The following NDST3 variants were observed in gnomAD, a reference collection of about 807,000 sequenced individuals.
NDST3 encodes the protein bifunctional heparan sulfate N-deacetylase/N-sulfotransferase 3.
In NDST3, 58 loss-of-function variants were observed where a neutral mutation model predicts 96.1. The observed-to-expected ratio is 0.60, with a 90% CI of 0.49 to 0.75. The LOEUF (loss-of-function observed/expected upper bound fraction) is 0.75. Ranked by LOEUF, NDST3 falls within the 30% of genes least tolerant of loss-of-function variation. The pLI, the probability that NDST3 is intolerant of heterozygous loss-of-function variation, is 0.00. For synonymous variants in NDST3, 333 were observed against 359.7 expected (o/e 0.93, Z 0.84); for missense variants, 788 against 1,034.2 (o/e 0.76, Z 3.27).
chr4:118,113,119 T>TC (rs1236558043), intron 3 of NDST3, among the ~76,000 whole-genome samples: 2 of 151,818 alleles, frequency 1.3e-5, no homozygotes, highest in Non-Finnish European at 2.9e-5. Context: ...ATACACTACC[T>TC]CCCCCCAAAA....
At chr4:118,093,573 A>T (rs1729054281) in intron 2 of NDST3, among the ~76,000 whole-genome samples, 1 of 151,766 alleles carries the variant, frequency 6.6e-6, no homozygotes, top group South Asian at 2.1e-4. Flanking sequence ...TTTTGTGCTG[A>T]TTTACACTTT....
rs187217038 is a variant in NDST3 at position 118,226,868 on chromosome 4, T to C, written c.1723-18T>C. On this transcript the variant is annotated intron_variant, in intron 7 of 13. Coordinates refer to ENST00000296499, the MANE Select transcript of NDST3 (RefSeq NM_004784.3). ...ATTCATGAAAAAAAATACATCTCTA[T>C]GTTCTTCTCCCATTTAGAATCCTTG... 2.5e-6 allele frequency: 4 copies of C among 1,575,874 alleles called. No homozygotes were observed. Among genetic ancestry groups the C allele is most frequent in the East Asian group, 2.2e-5 (1 of 44,620 alleles).
chr4:118,194,136 G>C, intron 6 of NDST3: 1 of 1,031,242 alleles, frequency 9.7e-7, no homozygotes, highest in Non-Finnish European at 1.5e-6. Context: ...ACAATGGAAT[G>C]TTCTCCTTTC....
At chr4:118,222,343 C>T (rs1739603700) in intron 6 of NDST3, among the ~76,000 whole-genome samples, 1 of 151,642 alleles carries the variant, frequency 6.6e-6, no homozygotes. Context: ...AGAGAGGTTA[C>T]ATGTTCAGCA....
At chr4:118,250,147 G>A (rs901335804) in intron 12 of NDST3, among the ~76,000 whole-genome samples, 10 of 152,082 alleles carry the variant, frequency 6.6e-5, no homozygotes, top group Admixed American at 1.3e-4. Flanking sequence ...TGGCTATCAC[G>A]AACAAAGCTA....
intron 6 of NDST3, among the ~76,000 whole-genome samples, chr4:118,179,730 C>G (rs1198178270): frequency 1.3e-5 from 2 of 151,930 alleles, no homozygotes; most frequent in Non-Finnish European, 2.9e-5. Context: ...CTAGTTCCTC[C>G]CATCTCCCCA....
intron 6 of NDST3, among the ~76,000 whole-genome samples, chr4:118,164,645 G>A (rs1247746279): frequency 6.6e-6 from 1 of 152,072 alleles, no homozygotes; most frequent in Non-Finnish European, 1.5e-5. Context: ...AGACCATAAA[G>A]CTCACTGGTA....
At chr4:118,061,747 G>A (rs1418473151) in intron 2 of NDST3, among the ~76,000 whole-genome samples, 1 of 152,104 alleles carries the variant, frequency 6.6e-6, no homozygotes, top group Non-Finnish European at 1.5e-5. Context: ...TTTGTTGGAT[G>A]AATGAATTGC....
chr4:118,168,588 GA>G (rs1735715745), intron 6 of NDST3, among the ~76,000 whole-genome samples: 1 of 152,034 alleles, frequency 6.6e-6, no homozygotes, highest in Non-Finnish European at 1.5e-5. Flanking sequence ...ATTAAAAATA[GA>G]ACTACCATAT....
chr4:118,153,260 A>G (rs958798391), intron 6 of NDST3, among the ~76,000 whole-genome samples: 1 of 152,080 alleles, frequency 6.6e-6, no homozygotes, highest in Non-Finnish European at 1.5e-5. Flanking sequence ...TATTATATGT[A>G]TTGCTCCATA....
chr4:118,255,079 C>T (rs72919245), intron 13 of NDST3, among the ~76,000 whole-genome samples: 7,588 of 152,190 alleles, frequency 0.05, 346 homozygotes, highest in African/African-American at 0.12. Context: ...GCTATTTCCC[C>T]GTAAATTTAT....
chr4:118,174,184 G>A (rs902151280), intron 6 of NDST3, among the ~76,000 whole-genome samples: 10 of 152,192 alleles, frequency 6.6e-5, no homozygotes, highest in Admixed American at 1.3e-4. Context: ...TTCGTTTCCT[G>A]TGTAGGCTGG....
chr4:118,169,779 G>A (rs1359905046), intron 6 of NDST3, among the ~76,000 whole-genome samples: 1 of 146,612 alleles, frequency 6.8e-6, no homozygotes, highest in Non-Finnish European at 1.5e-5. Context: ...GGGTGACAGA[G>A]CAAGACTCCA....
At chr4:118,183,868 C>T (rs72913094) in intron 6 of NDST3, among the ~76,000 whole-genome samples, 2,276 of 152,272 alleles carry the variant, frequency 0.015, 55 homozygotes, top group African/African-American at 0.052. Flanking sequence ...CTTCTATGTG[C>T]GTCAGGCTGG....
rs533009978 is a variant in NDST3, at chr4:118,062,017, T to C, written c.981+7126T>C. ...TAGTGTTTGCCTTATTTGAATATAA[T>C]TTGAACACAACTGACTGGCCAAAAC... is the stretch of plus-strand genomic sequence containing the variant. On this transcript the variant is annotated intron_variant, in intron 2 of 13. Coordinates refer to ENST00000296499, the MANE Select transcript of NDST3 (RefSeq NM_004784.3). 1.2e-4 allele frequency among the ~76,000 whole-genome samples: 18 copies of C among 152,262 alleles called. No individual in the cohort carries two copies. The South Asian group carries it at 3.5e-3, about 30-fold the overall frequency.
intron 6 of NDST3, among the ~76,000 whole-genome samples, chr4:118,196,629 G>A (rs929460539): frequency 1.3e-5 from 2 of 151,672 alleles, no homozygotes; most frequent in African/African-American, 4.8e-5. Flanking sequence ...CCAATTTTTT[G>A]GCATACAGTT....
intron 1 of NDST3, among the ~76,000 whole-genome samples, chr4:118,038,639 A>G (rs575132455): frequency 1.4e-4 from 22 of 152,346 alleles, no homozygotes; most frequent in African/African-American, 5.3e-4. Flanking sequence ...TATTATTACT[A>G]AATTACTTTT....
chr4:118,240,553 T>G lies in NDST3; in HGVS notation c.2148T>G (p.Ala716=), dbSNP rs1338079522. 6.2e-7 allele frequency: 1 copy of G among 1,613,358 alleles called. No homozygotes were observed. Among genetic ancestry groups the G allele is most frequent in the Admixed American group, 1.7e-5 (1 of 59,934 alleles). Residue 716 remains alanine (A), a synonymous_variant, in exon 11 of 14, where the codon GCT becomes GCG. Transcript: ENST00000296499. Reference sequence around the variant, plus strand: ...AGCGATCACATGAAGACCCTGCAGCTCTGAAGTTTAGCTTCTACGAAGTGA... The same window carrying G: ...AGCGATCACATGAAGACCCTGCAGCGCTGAAGTTTAGCTTCTACGAAGTGA... ...QHQRSHEDPA[A]LKFSFYEVIS...
chr4:118,105,095 T>G lies in NDST3; in HGVS notation c.1059T>G (p.Phe353Leu), dbSNP rs886111105. The G allele has an allele frequency of 1.4e-5, 23 of 1,612,304 alleles. No homozygotes were observed. The highest frequency in any genetic ancestry group is 2.0e-5 in the Non-Finnish European group (23 of 1,178,596). Residue 353 changes from phenylalanine to leucine, a missense_variant, in exon 3 of 14, where the codon TTT becomes TTG. Around this residue, in one of 3 missense-constraint regions of NDST3, gnomAD observed 490 missense variants for 708.8 expected, o/e 0.69. Transcript: ENST00000296499. ...FTFNLGFSGK[F>L]YHTGTEEEDE... is the part of the protein sequence containing the mutation. ...TCAACCTGGGATTTTCAGGGAAATTTTACCATACAGGTAAGAAAAAGGGAT... is the reference window on the plus strand; with the variant it reads ...TCAACCTGGGATTTTCAGGGAAATTGTACCATACAGGTAAGAAAAAGGGAT...
Sources: allele counts gnomAD v4.1 joint callset (sites outside exome capture counted in the v4.1 genomes callset), GRCh38; gene constraint gnomAD v4.1.1; regional missense constraint gnomAD v4.1.1; transcripts MANE v1.5; gene names NCBI Gene and HGNC (gene_info 2026-07-23, HGNC 2026-07-21).